Variants in TPST1 observed in about 807,000 individuals in gnomAD.
TPST1 encodes the protein protein-tyrosine sulfotransferase 1.
A neutral mutation model predicts 34.8 loss-of-function variants in TPST1; 20 were observed. The observed-to-expected ratio is 0.57, with a 90% CI of 0.40 to 0.84. The LOEUF (loss-of-function observed/expected upper bound fraction) is 0.84. Ranked by LOEUF, TPST1 falls within the 40% of genes least tolerant of loss-of-function variation. The probability of loss-of-function intolerance (pLI) is 0.00; values close to 1 mark genes in which losing one functional copy is unlikely to be tolerated. For missense variants in TPST1, 353 were observed against 455.5 expected, an observed-to-expected ratio of 0.78 and a Z score of 2.05; for synonymous variants, 152 against 159.4, an observed-to-expected ratio of 0.95 and a Z score of 0.35.
At chr7:66,267,775 G>A (rs1030460835) in intron 2 of TPST1, among the ~76,000 whole-genome samples, 18 of 152,064 alleles carry the variant, frequency 1.2e-4, no homozygotes, top group African/African-American at 3.6e-4. Context: ...AATCATCCTG[G>A]GCGCATAAGA....
chr7:66,349,423 G>C (rs1002335196), intron 3 of TPST1, among the ~76,000 whole-genome samples: 6 of 152,072 alleles, frequency 3.9e-5, no homozygotes, highest in African/African-American at 9.7e-5. Flanking sequence ...ATTCAAAAAA[G>C]TAGCCAGGCG....
intron 1 of TPST1, among the ~76,000 whole-genome samples, chr7:66,206,483 G>A (rs1300688460): frequency 6.6e-6 from 1 of 152,152 alleles, no homozygotes; most frequent in Non-Finnish European, 1.5e-5. Context: ...TATGGGAGAT[G>A]GCAGGAGAAA....
chr7:66,224,901 CTTTTTTT>C (rs780952403), intron 1 of TPST1, among the ~76,000 whole-genome samples: 12 of 42,400 alleles, frequency 2.8e-4, no homozygotes, highest in East Asian at 1.6e-3. Flanking sequence ...TTCTGGTATT[CTTTTTTT>C]TTTTTTTTTT....
rs1396217246 is a variant in TPST1, at chr7:66,337,531, ACTCCTGAC to A, written c.1045-14970_1045-14963del. ...ACAATGTTGGCCAGGCTGGTCTCGA[ACTCCTGAC>A]CTCAGGTGATCCGCCCATCTCGGCC... On this transcript the variant is annotated intron_variant, in intron 3 of 5. Transcript: ENST00000304842. Among the ~76,000 whole-genome samples the A allele has an allele frequency of 3.3e-5, 5 of 152,006 alleles. No individual in the cohort carries two copies. The East Asian group carries it at 9.7e-4, about 29-fold the overall frequency.
At chr7:66,236,863 C>A (rs569564800) in intron 1 of TPST1, among the ~76,000 whole-genome samples, 36 of 152,138 alleles carry the variant, frequency 2.4e-4, no homozygotes, top group Non-Finnish European at 4.7e-4. Flanking sequence ...GCCTTCCTGT[C>A]TGCATAGCTT....
chr7:66,326,565 A>G (rs1406252667), intron 3 of TPST1, among the ~76,000 whole-genome samples: 1 of 152,220 alleles, frequency 6.6e-6, no homozygotes, highest in African/African-American at 2.4e-5. Flanking sequence ...TGGTCAAATA[A>G]TATGATTTCC....
At chr7:66,276,187 A>G (rs1484180933) in intron 2 of TPST1, among the ~76,000 whole-genome samples, 1 of 151,526 alleles carries the variant, frequency 6.6e-6, no homozygotes, top group Non-Finnish European at 1.5e-5. Context: ...CAATATATAG[A>G]TTAAAAAAAC....
intron 3 of TPST1, among the ~76,000 whole-genome samples, chr7:66,349,573 A>C (rs1562855867): frequency 6.6e-6 from 1 of 151,948 alleles, no homozygotes; most frequent in Non-Finnish European, 1.5e-5. Context: ...CTCCGTCTCA[A>C]AACAACAACA....
intron 1 of TPST1, among the ~76,000 whole-genome samples, chr7:66,233,010 G>A (rs529981285): frequency 6.6e-6 from 1 of 152,032 alleles, no homozygotes; most frequent in African/African-American, 2.4e-5. Context: ...TATTCTTTGG[G>A]GAAATATGTA....
chr7:66,248,433 G>A (rs537686746), intron 2 of TPST1, among the ~76,000 whole-genome samples: 2 of 149,666 alleles, frequency 1.3e-5, no homozygotes, highest in East Asian at 4.0e-4. Flanking sequence ...AACATTGATT[G>A]TAATGTGTAA....
chr7:66,283,892 C>T (rs1790981163), intron 2 of TPST1, among the ~76,000 whole-genome samples: 1 of 152,156 alleles, frequency 6.6e-6, no homozygotes, highest in Non-Finnish European at 1.5e-5. Flanking sequence ...TAGGCCATGG[C>T]CTAGTCAGTC....
chr7:66,218,663 G>A (rs1789475740), intron 1 of TPST1, among the ~76,000 whole-genome samples: 1 of 152,044 alleles, frequency 6.6e-6, no homozygotes, highest in Non-Finnish European at 1.5e-5. Context: ...GGCTAACACA[G>A]GTGAAACCCC....
chr7:66,236,474 T>A (rs1241482501), intron 1 of TPST1, among the ~76,000 whole-genome samples: 1 of 152,128 alleles, frequency 6.6e-6, no homozygotes, highest in African/African-American at 2.4e-5. Flanking sequence ...GTATATATAG[T>A]GTAAGGTATA....
intron 3 of TPST1, among the ~76,000 whole-genome samples, chr7:66,321,652 T>G (rs778383347): frequency 1.2e-4 from 18 of 152,354 alleles, no homozygotes; most frequent in South Asian, 2.1e-4. Flanking sequence ...ATTTGAGAGA[T>G]AGTGCCAAAG....
intron 3 of TPST1, among the ~76,000 whole-genome samples, chr7:66,302,783 T>C (rs1242391781): frequency 6.6e-6 from 1 of 152,224 alleles, no homozygotes; most frequent in Non-Finnish European, 1.5e-5. Context: ...TGAAGTTTAG[T>C]TTATCTGGTG....
chr7:66,281,254 A>G (rs935209361), intron 2 of TPST1, among the ~76,000 whole-genome samples: 1 of 152,104 alleles, frequency 6.6e-6, no homozygotes, highest in African/African-American at 2.4e-5. Flanking sequence ...GGATTTTTGC[A>G]TCTGTGTTCA....
chr7:66,340,541 G>A (rs545083235), intron 3 of TPST1, among the ~76,000 whole-genome samples: 1 of 152,224 alleles, frequency 6.6e-6, no homozygotes, highest in South Asian at 2.1e-4. Flanking sequence ...ATTCACTTAA[G>A]TTTCATGATA....
At chr7:66,335,849 G>T (rs901624263) in intron 3 of TPST1, among the ~76,000 whole-genome samples, 17 of 152,248 alleles carry the variant, frequency 1.1e-4, no homozygotes, top group African/African-American at 4.1e-4. Flanking sequence ...AGAAGAAATG[G>T]CTGTGTCCTC....
rs530143850 is a variant in TPST1 at position 66,323,799 on chromosome 7, C to T, written c.1045-28706C>T. Among the ~76,000 whole-genome samples, 36 of 152,198 alleles carry T rather than the reference C, an allele frequency of 2.4e-4. 1 individual carries two copies. In the South Asian group the frequency reaches 5.8e-3, roughly 25 times the overall value. Reference sequence around the variant, plus strand: ...TAATCAGATACTACTTCACACCCACCGGGATGCTTATAATAAAAAATACAT... The same window carrying T: ...TAATCAGATACTACTTCACACCCACTGGGATGCTTATAATAAAAAATACAT... On this transcript the variant is annotated intron_variant, in intron 3 of 5. Coordinates refer to ENST00000304842, the MANE Select transcript of TPST1 (RefSeq NM_003596.4).
Sources: gnomAD v4.1 joint callset for allele counts (sites outside exome capture counted in the v4.1 genomes callset) on GRCh38, gnomAD v4.1.1 for gene constraint, MANE v1.5 for transcripts, NCBI Gene and HGNC (gene_info 2026-07-23, HGNC 2026-07-21) for gene names.